INPP4A: variants seen among roughly 807,000 people sequenced by gnomAD.
INPP4A encodes inositol polyphosphate-4-phosphatase type I A, also known as inositol polyphosphate-4-phosphatase, type I, 107kD.
A neutral mutation model predicts 119.8 loss-of-function variants in INPP4A; 33 were observed. The observed-to-expected ratio is 0.28, with a 90% confidence interval of 0.21 to 0.37. INPP4A has a LOEUF of 0.37. Among genes scored for constraint, INPP4A ranks in the 10% least tolerant of loss-of-function variants. The pLI, the probability that INPP4A is intolerant of heterozygous loss-of-function variation, is 1.00. For missense variants in INPP4A, 956 were observed against 1,289.9 expected, an observed-to-expected ratio of 0.74 and a Z score of 3.97; for synonymous variants, 496 against 500.7, an observed-to-expected ratio of 0.99 and a Z score of 0.12.
chr2:98,553,326 T>A (rs1195375387), intron 14 of INPP4A, among the ~76,000 whole-genome samples: 1 of 150,328 alleles, frequency 6.7e-6, no homozygotes, highest in African/African-American at 2.5e-5. Flanking sequence ...CTATTTTAGT[T>A]GAATTTGAAA....
chr2:98,567,317 G>C (rs1039206226), intron 21 of INPP4A, among the ~76,000 whole-genome samples: 1 of 152,134 alleles, frequency 6.6e-6, no homozygotes, highest in South Asian at 2.1e-4. Flanking sequence ...GGCTGAGTGG[G>C]AGGAGAGTAC....
rs3769718 is a variant in INPP4A at position 98,508,145 on chromosome 2, C to T, written c.-165-10819C>T. Among the ~76,000 whole-genome samples, 381 of 152,280 alleles carry T rather than the reference C, an allele frequency of 2.5e-3. 19 individuals are homozygous for T. The East Asian group carries it at 0.065, about 26-fold the overall frequency. The stretch of plus-strand genomic sequence containing the variant: ...AGGGAAGAAGGAGAGAAGCAGAGCT[C>T]GGGTTAGAGGCTGTTCTAGTGGCTG... On this transcript the variant is annotated intron_variant, in intron 1 of 24. Coordinates refer to ENST00000409851, the MANE Select transcript of INPP4A (RefSeq NM_001134225.2).
intron 1 of INPP4A, among the ~76,000 whole-genome samples, chr2:98,458,665 G>C: frequency 6.6e-6 from 1 of 152,130 alleles, no homozygotes. Flanking sequence ...TTCCCATTCT[G>C]CTGGTATCCT....
intron 1 of INPP4A, among the ~76,000 whole-genome samples, chr2:98,496,246 G>A (rs1184764950): frequency 6.6e-6 from 1 of 152,164 alleles, no homozygotes; most frequent in Non-Finnish European, 1.5e-5. Flanking sequence ...GTCCAGTTCA[G>A]TTGCTTGAGG....
intron 1 of INPP4A, among the ~76,000 whole-genome samples, chr2:98,466,307 A>G (rs553336399): frequency 2.0e-5 from 3 of 152,316 alleles, no homozygotes; most frequent in South Asian, 2.1e-4. Context: ...TGGCCTTCCA[A>G]AGTGCTGGGA....
intron 1 of INPP4A, among the ~76,000 whole-genome samples, chr2:98,493,106 G>A (rs186436584): frequency 2.0e-5 from 3 of 152,342 alleles, no homozygotes; most frequent in Admixed American, 6.5e-5. Context: ...TCTGAGAACA[G>A]TCTTCTGTCC....
chr2:98,550,702 A>G (rs1693349681), intron 13 of INPP4A, among the ~76,000 whole-genome samples: 1 of 152,120 alleles, frequency 6.6e-6, no homozygotes, highest in Non-Finnish European at 1.5e-5. Context: ...ATCATCCTAA[A>G]CAGCACCTCT....
intron 1 of INPP4A, among the ~76,000 whole-genome samples, chr2:98,447,003 C>G (rs1015579344): frequency 3.9e-5 from 6 of 152,136 alleles, no homozygotes; most frequent in Non-Finnish European, 5.9e-5. Context: ...TAAGAGGGAG[C>G]GTTCTCAGCC....
At chr2:98,585,865 C>T (rs547803426) in intron 24 of INPP4A, among the ~76,000 whole-genome samples, 3 of 152,198 alleles carry the variant, frequency 2.0e-5, no homozygotes, top group South Asian at 2.1e-4. Flanking sequence ...TATTCTGCCT[C>T]GCTCCTCACG....
intron 23 of INPP4A, among the ~76,000 whole-genome samples, chr2:98,574,707 T>C (rs1698125478): frequency 6.6e-6 from 1 of 151,970 alleles, no homozygotes; most frequent in Admixed American, 6.5e-5. Flanking sequence ...GGATGTGCGT[T>C]CACTGATGCG....
chr2:98,587,855 A>G lies in INPP4A; in HGVS notation c.*247A>G. 2.7e-6 allele frequency: 1 copy of G among 370,478 alleles called. No individual in the cohort carries two copies. The highest frequency in any genetic ancestry group is 4.8e-6 in the Non-Finnish European group (1 of 207,438). 22.9% of individuals were successfully genotyped at this position (370,478 alleles called of 1,614,324 possible). ...AGTAACAACTGCCTATTTAAATTAA[A>G]TAGCCTTTGGCTGTAACTACACAGA... On this transcript the variant is annotated 3_prime_UTR_variant, in exon 25 of 25. Coordinates refer to ENST00000409851, the MANE Select transcript of INPP4A (RefSeq NM_001134225.2).
chr2:98,526,033 T>A (rs566298228), intron 4 of INPP4A, among the ~76,000 whole-genome samples: 7 of 152,210 alleles, frequency 4.6e-5, no homozygotes, highest in Non-Finnish European at 8.8e-5. Flanking sequence ...ATTTAATAGT[T>A]CAAAACGGAA....
chr2:98,577,369 C>A (rs572272152), intron 24 of INPP4A, among the ~76,000 whole-genome samples: 1 of 152,198 alleles, frequency 6.6e-6, no homozygotes, highest in Non-Finnish European at 1.5e-5. Context: ...ACTTTCTGAG[C>A]AGGACTGCCC....
chr2:98,556,841 C>T (rs1018772067), intron 16 of INPP4A, among the ~76,000 whole-genome samples: 3 of 152,190 alleles, frequency 2.0e-5, no homozygotes, highest in Middle Eastern at 3.2e-3. Context: ...GCCTCTGTCT[C>T]GACAGTTATC....
chr2:98,520,112 A>G lies in INPP4A; in HGVS notation c.64A>G (p.Thr22Ala), dbSNP rs559448251. The G allele has an allele frequency of 4.8e-5, 76 of 1,571,928 alleles. No homozygotes were observed. The South Asian group carries it at 8.8e-4, about 18-fold the overall frequency. Residue 22 changes from threonine (T) to alanine (A), a missense_variant, in exon 3 of 25, where the codon ACC becomes GCC. By Grantham distance (58) the Thr-to-Ala change is moderately conservative. This residue lies in a region of INPP4A where 652 missense variants were observed against 797.9 expected (regional missense o/e 0.82). Transcript: ENST00000409851. Reference sequence around the variant, plus strand: ...GGCCCGTGCAATGCAGCGGGCTTCCACCATCGACGTGGCGGCCGACATGCT... The same window carrying G: ...GGCCCGTGCAATGCAGCGGGCTTCCGCCATCGACGTGGCGGCCGACATGCT... ...ARARAMQRAS[T>A]IDVAADMLGL...
In INPP4A at chr2:98,563,651, G is replaced by A. The variant is rs148712389; in HGVS notation, c.2028+14G>A. On this transcript the variant is annotated intron_variant, in intron 18 of 24. Coordinates refer to ENST00000409851, the MANE Select transcript of INPP4A (RefSeq NM_001134225.2). ...TTCTGCCAGACGGTAGGCCCCGGGAGCACCCCGAGGGAGACCACGGGCACC... is the reference window on the plus strand; with the variant it reads ...TTCTGCCAGACGGTAGGCCCCGGGAACACCCCGAGGGAGACCACGGGCACC... The A allele has an allele frequency of 1.2e-5, 19 of 1,611,456 alleles. No individual in the cohort carries two copies. In the East Asian group the frequency reaches 3.3e-4, roughly 28 times the overall value.
intron 10 of INPP4A, among the ~76,000 whole-genome samples, chr2:98,542,053 C>T (rs1691566134): frequency 1.3e-5 from 2 of 152,336 alleles, no homozygotes; most frequent in Middle Eastern, 3.4e-3. Context: ...CCAGATGTTT[C>T]AGCGTGTGCT....
chr2:98,489,049 T>G (rs1453775939), intron 1 of INPP4A, among the ~76,000 whole-genome samples: 1 of 151,564 alleles, frequency 6.6e-6, no homozygotes, highest in Non-Finnish European at 1.5e-5. Context: ...TTGCCTTAGC[T>G]CTGTGGGGTG....
At position 98,592,370 on chromosome 2, in the gene INPP4A, C is replaced by G. The variant is rs1225901653; in HGVS notation, c.*4762C>G. On this transcript the variant is annotated 3_prime_UTR_variant, in exon 25 of 25. Coordinates refer to ENST00000409851, the MANE Select transcript of INPP4A (RefSeq NM_001134225.2). ...AGGAAGATTGGAGAGGAGTGGGCAG[C>G]AGGAAACAGCTCAGGCTGCCTGACC... The G allele has an allele frequency of 6.6e-6, 1 of 152,360 alleles. No individual in the cohort carries two copies. The highest frequency in any genetic ancestry group is 1.9e-4 in the East Asian group (1 of 5,166). 9.4% of individuals were successfully genotyped at this position (152,360 alleles called of 1,614,324 possible). A position where few individuals can be genotyped will look rare whatever the true frequency, so the allele number is the denominator to read the frequency against.
Sources: gnomAD v4.1 joint callset for allele counts (sites outside exome capture counted in the v4.1 genomes callset) on GRCh38, gnomAD v4.1.1 for gene constraint, gnomAD v4.1.1 regional missense constraint, MANE v1.5 for transcripts, NCBI Gene and HGNC (gene_info 2026-07-23, HGNC 2026-07-21) for gene names.